The following STAC variants were observed in gnomAD, a reference collection of about 807,000 sequenced individuals.
STAC encodes SH3 and cysteine-rich domain-containing protein.
A neutral mutation model predicts 48.8 loss-of-function variants in STAC; 43 were observed. The ratio of observed to expected loss-of-function variants is 0.88; its 90% CI spans 0.69 to 1.14. The LOEUF (loss-of-function observed/expected upper bound fraction) is 1.14. Ranked by LOEUF, STAC falls within the 50% of genes most tolerant of loss-of-function variation. The probability of loss-of-function intolerance (pLI) is 0.00; values close to 1 mark genes in which losing one functional copy is unlikely to be tolerated. For synonymous variants in STAC, 193 were observed against 179.5 expected, an observed-to-expected ratio of 1.07 and a Z score of -0.60; for missense variants, 497 against 504.0, an observed-to-expected ratio of 0.99 and a Z score of 0.13.
At chr3:36,460,548 A>G (rs539341419) in intron 2 of STAC, among the ~76,000 whole-genome samples, 5 of 152,294 alleles carry the variant, frequency 3.3e-5, no homozygotes, top group African/African-American at 1.2e-4. Flanking sequence ...GGAGATATTT[A>G]TGGTTGTTAC....
intron 2 of STAC, among the ~76,000 whole-genome samples, chr3:36,444,813 T>G (rs768090169): frequency 1.1e-4 from 17 of 152,190 alleles, no homozygotes; most frequent in Non-Finnish European, 2.1e-4. Context: ...TGCTAAGTCT[T>G]GGCGCTCCCA....
chr3:36,452,502 T>G (rs1696711710), intron 2 of STAC, among the ~76,000 whole-genome samples: 1 of 152,196 alleles, frequency 6.6e-6, no homozygotes, highest in Non-Finnish European at 1.5e-5. Context: ...GGAGTGTCCT[T>G]AGCACTAAGC....
At position 36,392,212 on chromosome 3, in the gene STAC, C is replaced by T. The variant is rs79895391; in HGVS notation, c.111+11458C>T. 4.7e-4 allele frequency among the ~76,000 whole-genome samples: 71 copies of T among 152,320 alleles called. 2 individuals carry two copies. In the East Asian group the frequency reaches 0.012, roughly 26 times the overall value. ...CTGTACATCTGCTAATCCAGCCCAT[C>T]GTCCAACCTCCCTACAGGTCGATAC... On this transcript the variant is annotated intron_variant, in intron 1 of 10. Transcript: ENST00000273183.
intron 5 of STAC, among the ~76,000 whole-genome samples, chr3:36,488,241 T>C (rs76515968): frequency 0.017 from 2,587 of 152,286 alleles, 22 homozygotes; most frequent in Non-Finnish European, 0.021. Context: ...CTGTTTCATT[T>C]TCATTACGCA....
chr3:36,432,702 C>CAAA (rs369547121), intron 1 of STAC, among the ~76,000 whole-genome samples: 2 of 107,768 alleles, frequency 1.9e-5, no homozygotes, highest in African/African-American at 3.4e-5. Flanking sequence ...GACTCCGTCT[C>CAAA]AAAAAAAAAA....
chr3:36,380,786 A>T (rs778695176), intron 1 of STAC, 32 bp downstream of exon 1: 3 of 1,530,504 alleles, frequency 2.0e-6, no homozygotes, highest in African/African-American at 1.4e-5. Context: ...AAGAGAACAC[A>T]AACTCACTCT....
intron 10 of STAC, among the ~76,000 whole-genome samples, chr3:36,537,629 T>C (rs1229949950): frequency 2.6e-5 from 4 of 152,060 alleles, no homozygotes; most frequent in South Asian, 2.1e-4. Context: ...GATGGGTTGA[T>C]AGGTGCAGCA....
intron 2 of STAC, among the ~76,000 whole-genome samples, chr3:36,450,380 C>G (rs1472399553): frequency 6.6e-6 from 1 of 152,192 alleles, no homozygotes; most frequent in Non-Finnish European, 1.5e-5. Flanking sequence ...TCCAGCCTGC[C>G]CAAAAGGCAG....
rs146456817 is a variant in STAC, at chr3:36,443,458, T to G, written c.206T>G (p.Met69Arg). The G allele has an allele frequency of 6.3e-5, 102 of 1,614,028 alleles. No individual in the cohort carries two copies. The highest frequency in any genetic ancestry group is 3.3e-4 in the Middle Eastern group (2 of 6,084). Reference sequence around the variant, plus strand: ...TTCCAGCGAACCAACAGCGAAGACATGAAACTGCAAGCACACATGGTGGCT... The same window carrying G: ...TTCCAGCGAACCAACAGCGAAGACAGGAAACTGCAAGCACACATGGTGGCT... ...NFFQRTNSED[M>R]KLQAHMVAEI... Residue 69 changes from methionine to arginine, a missense_variant, in exon 2 of 11, where the codon ATG becomes AGG. Physicochemically the swap from Met to Arg is moderately conservative, Grantham distance 91. Transcript: ENST00000273183. The surrounding 1 kb of genome is among the most constrained non-coding windows in gnomAD (Gnocchi z 4.2).
chr3:36,505,832 GA>G lies in STAC; in HGVS notation c.919del (p.Arg307GlyfsTer5), dbSNP rs754703611. The G allele has an allele frequency of 1.0e-5, 16 of 1,597,218 alleles. No individual in the cohort carries two copies. The highest frequency in any genetic ancestry group is 1.4e-5 in the Non-Finnish European group (16 of 1,171,974). ...VPQENEDLEM[R>X]PGDIITLLED... ...CACAGGAGAATGAAGATTTGGAAAT[GA>G]GGTAAAAACCTTCTGTAAAGAAAAA... is the stretch of plus-strand genomic sequence containing the variant. On this transcript the variant is annotated frameshift_variant and splice_region_variant, in exon 8 of 11. Transcript: ENST00000273183. LOFTEE classifies it high-confidence loss of function.
chr3:36,454,776 AT>A (rs1185240591), intron 2 of STAC, among the ~76,000 whole-genome samples: 1 of 152,144 alleles, frequency 6.6e-6, no homozygotes, highest in African/African-American at 2.4e-5. Context: ...TAAACTGTTT[AT>A]TTTACTATTA....
chr3:36,423,943 C>T (rs552491141), intron 1 of STAC, among the ~76,000 whole-genome samples: 2 of 152,042 alleles, frequency 1.3e-5, no homozygotes, highest in South Asian at 2.1e-4. Flanking sequence ...TGATGCTGCC[C>T]TATATTTTAA....
intron 5 of STAC, among the ~76,000 whole-genome samples, chr3:36,488,981 T>C (rs1697892480): frequency 6.6e-6 from 1 of 152,152 alleles, no homozygotes; most frequent in Non-Finnish European, 1.5e-5. Context: ...CCCCAAGCCC[T>C]ATAACATATC....
Position 36,443,618 on chromosome 3 carries a change from T to C in STAC, c.366T>C (p.Asp122=), listed in dbSNP as rs1261800242. Residue 122 remains aspartate (D), a synonymous_variant, in exon 2 of 11, where the codon GAT becomes GAC. Coordinates refer to ENST00000273183, the MANE Select transcript of STAC (RefSeq NM_003149.3). The surrounding 1 kb of genome is among the most constrained non-coding windows in gnomAD (Gnocchi z 4.2). ...EYIFKKPTFC[D]VCNHMIVGTN... is the part of the protein sequence containing the mutation. Reference sequence around the variant, plus strand: ...TCTTCAAGAAGCCCACTTTCTGTGATGTCTGCAACCACATGATAGTGGGTA... The same window carrying C: ...TCTTCAAGAAGCCCACTTTCTGTGACGTCTGCAACCACATGATAGTGGGTA... 6.2e-7 allele frequency: 1 copy of C among 1,613,020 alleles called. No homozygotes were observed. Among genetic ancestry groups the C allele is most frequent in the Non-Finnish European group, 8.5e-7 (1 of 1,180,028 alleles).
chr3:36,425,151 G>C (rs577505623), intron 1 of STAC, among the ~76,000 whole-genome samples: 2 of 152,276 alleles, frequency 1.3e-5, no homozygotes, highest in South Asian at 4.1e-4. Flanking sequence ...TTATGAAGGG[G>C]AAAGAGGTAA....
chr3:36,417,758 A>G (rs898137964), intron 1 of STAC, among the ~76,000 whole-genome samples: 2 of 152,200 alleles, frequency 1.3e-5, no homozygotes, highest in African/African-American at 4.8e-5. Flanking sequence ...TATGGGACAG[A>G]TTATGTATTA....
intron 6 of STAC, among the ~76,000 whole-genome samples, chr3:36,498,295 C>G (rs1381692597): frequency 6.6e-6 from 1 of 151,962 alleles, no homozygotes; most frequent in East Asian, 1.9e-4. Flanking sequence ...ATGGGTTTAA[C>G]AACATATTAG....
intron 1 of STAC, among the ~76,000 whole-genome samples, chr3:36,438,281 G>T (rs1015779571): frequency 1.2e-4 from 18 of 152,128 alleles, no homozygotes; most frequent in African/African-American, 3.9e-4. Flanking sequence ...AGGTTGCTAG[G>T]ATGATTACAT....
chr3:36,504,171 T>G (rs1235646698), intron 6 of STAC, among the ~76,000 whole-genome samples: 3 of 152,146 alleles, frequency 2.0e-5, no homozygotes, highest in Non-Finnish European at 4.4e-5. Context: ...TGTACAAAAG[T>G]TGTGGGAGCA....
Sources: gnomAD v4.1 joint callset for allele counts (sites outside exome capture counted in the v4.1 genomes callset) on GRCh38, gnomAD v4.1.1 for gene constraint, Gnocchi (gnomAD v3.1) non-coding constraint, MANE v1.5 for transcripts, NCBI Gene and HGNC (gene_info 2026-07-23, HGNC 2026-07-21) for gene names.